ACAN: variants seen among roughly 807,000 people sequenced by gnomAD.
ACAN encodes aggrecan core protein.
Under a neutral mutation model 169.1 loss-of-function variants are expected in ACAN, and 47 were observed. That is an observed-to-expected ratio of 0.28 (90% CI 0.22 to 0.35). The LOEUF is 0.35. ACAN is among the 10% of genes least tolerant of loss of function. The pLI is 1.00. For missense variants in ACAN, 2,716 were observed against 2,759.9 expected, an observed-to-expected ratio of 0.98 and a Z score of 0.36; for synonymous variants, 1,115 against 1,112.2, an observed-to-expected ratio of 1.00 and a Z score of -0.05.
intron 13 of ACAN, among the ~76,000 whole-genome samples, chr15:88,865,494 C>T (rs887544835): frequency 2.6e-5 from 4 of 152,196 alleles, no homozygotes; most frequent in Admixed American, 6.5e-5. Flanking sequence ...TGTTTTCTCA[C>T]CTGTAAATGG....
Position 88,872,997 on chromosome 15 carries a change from C to G in ACAN, c.7419C>G (p.His2473Gln). The G allele has an allele frequency of 1.2e-6, 2 of 1,613,526 alleles. No individual in the cohort carries two copies. The highest frequency in any genetic ancestry group is 1.7e-6 in the Non-Finnish European group (2 of 1,179,742). Reference sequence around the variant, plus strand: ...GGAATGATGTTCCCTGCAATTACCACCTCCCCTTCACGTGTAAAAAGGGCA... The same window carrying G: ...GGAATGATGTTCCCTGCAATTACCAGCTCCCCTTCACGTGTAAAAAGGGCA... ...GEWNDVPCNY[H>Q]LPFTCKKGTV... Residue 2473 changes from histidine (H) to glutamine (Q), a missense_variant, in exon 17 of 19, where the codon CAC (histidine) becomes CAG (glutamine). By Grantham distance (24) the His-to-Gln change is conservative (BLOSUM62 0). Around this residue, in one of 3 missense-constraint regions of ACAN, gnomAD observed 1,389 missense variants for 1,363.7 expected, o/e 1.02. Transcript: ENST00000560601. The surrounding 1 kb of genome is among the most constrained non-coding windows in gnomAD (Gnocchi z 5.4).
Position 88,855,068 on chromosome 15 carries a change from A to G in ACAN, c.2483A>G (p.Glu828Gly), listed in dbSNP as rs201767607. Residue 828 changes from glutamate to glycine, a missense_variant, in exon 12 of 19, where the codon GAG (glutamate) becomes GGG (glycine). Coordinates refer to ENST00000560601, the MANE Select transcript of ACAN (RefSeq NM_001369268.1). Reference sequence around the variant, plus strand: ...TCAGAGGAGCCATTCCCCTCCAAGGAGCCATCCCCCTCAGAGGAACCATCA... The same window carrying G: ...TCAGAGGAGCCATTCCCCTCCAAGGGGCCATCCCCCTCAGAGGAACCATCA... ...FPSEEPFPSK[E>G]PSPSEEPSAS... 240 of 1,583,136 alleles carry G rather than the reference A, an allele frequency of 1.5e-4. No homozygotes were observed. Among genetic ancestry groups the G allele is most frequent in the Non-Finnish European group, 1.8e-4 (206 of 1,166,896 alleles).
chr15:88,862,573 G>C (rs1302741305), intron 13 of ACAN, among the ~76,000 whole-genome samples: 1 of 152,190 alleles, frequency 6.6e-6, no homozygotes. Flanking sequence ...TGTACCTTGG[G>C]GTCCCAGGTC....
chr15:88,845,550 G>T lies in ACAN; in HGVS notation c.1097G>T (p.Gly366Val), dbSNP rs755579927. The change falls in exon 7 of 19, where the codon GGT (glycine) becomes GTT (valine). Residue 366 changes from glycine to valine, a missense_variant. Around this residue, in one of 3 missense-constraint regions of ACAN, gnomAD observed 1,283 missense variants for 1,281.5 expected, o/e 1.00. Transcript: ENST00000560601. ...CCAGAAAACTTCTTTGGAGTGGGGGGTGAGGAGGACATCACCGTCCAGACA... is the reference window on the plus strand; with the variant it reads ...CCAGAAAACTTCTTTGGAGTGGGGGTTGAGGAGGACATCACCGTCCAGACA... ...DIPENFFGVG[G>V]EEDITVQTVT... The T allele has an allele frequency of 3.1e-6, 5 of 1,613,488 alleles. No individual in the cohort carries two copies. The highest frequency in any genetic ancestry group is 3.4e-6 in the Non-Finnish European group (4 of 1,179,548).
rs780416247 is a variant in ACAN, at chr15:88,873,978, C to T, written c.7584C>T (p.Cys2528=). The part of the protein sequence containing the change: ...FVQRHMPTIR[C]QPSGHWEEPQ... ...AGCGCCACATGCCCACCATCCGGTG[C>T]CAGCCCAGCGGGCACTGGGAGGAGC... The change falls in exon 18 of 19, where the codon TGC becomes TGT. Residue 2528 remains cysteine (C), a synonymous_variant. Coordinates refer to ENST00000560601, the MANE Select transcript of ACAN (RefSeq NM_001369268.1). The surrounding 1 kb of genome is among the most constrained non-coding windows in gnomAD (Gnocchi z 7.5). The T allele has an allele frequency of 5.0e-6, 8 of 1,612,918 alleles. No individual in the cohort carries two copies. Among genetic ancestry groups the T allele is most frequent in the Non-Finnish European group, 6.8e-6 (8 of 1,179,848 alleles).
rs374560662 is a variant in ACAN, at chr15:88,857,056, C to T, written c.4471C>T (p.Pro1491Ser). 5.6e-6 allele frequency: 9 copies of T among 1,613,766 alleles called. No individual in the cohort carries two copies. The highest frequency in any genetic ancestry group is 1.3e-5 in the African/African-American group (1 of 74,874). Residue 1491 changes from proline (P) to serine (S), a missense_variant, in exon 12 of 19, where the codon CCT becomes TCT. Pro to Ser is a moderately conservative substitution (Grantham distance 74). Around this residue, in one of 3 missense-constraint regions of ACAN, gnomAD observed 1,389 missense variants for 1,363.7 expected, o/e 1.02. Coordinates refer to ENST00000560601, the MANE Select transcript of ACAN (RefSeq NM_001369268.1). ...VSGVEDISGL[P>S]SGEVVETSAS... ...TGGAGTAGAGGACATCAGTGGGCTTCCTTCTGGAGAGGTTGTAGAGACTTC... is the reference window on the plus strand; with the variant it reads ...TGGAGTAGAGGACATCAGTGGGCTTTCTTCTGGAGAGGTTGTAGAGACTTC...
rs974697170 is a variant in ACAN, at chr15:88,861,870, T to C, written c.6946+1431T>C. Among the ~76,000 whole-genome samples, 2 of 152,322 alleles carry C rather than the reference T, an allele frequency of 1.3e-5. No individual in the cohort carries two copies. Among genetic ancestry groups the C allele is most frequent in the Non-Finnish European group, 2.9e-5 (2 of 68,016 alleles). ...AGTAAGTGTCAGTGGGCCGTAACTA[T>C]TCTGCTGTAAGGACAGCCTCTCTGT... On this transcript the variant is annotated intron_variant, in intron 13 of 18. Coordinates refer to ENST00000560601, the MANE Select transcript of ACAN (RefSeq NM_001369268.1). The surrounding 1 kb of genome is among the most constrained non-coding windows in gnomAD (Gnocchi z 6.3).
chr15:88,875,323 A>G lies in ACAN; in HGVS notation c.*842A>G, dbSNP rs1897487888. ...ATTTTTGAAAACTGAAGATTATAAT[A>G]TTATAATAATAATAAAGACATTGGA... On this transcript the variant is annotated 3_prime_UTR_variant, in exon 19 of 19. Transcript: ENST00000560601. This position sits in a 1 kb window ranked among gnomAD's most constrained non-coding sequence, Gnocchi z 4.8. 6.6e-6 allele frequency: 1 copy of G among 152,064 alleles called. No individual in the cohort carries two copies. Among genetic ancestry groups the G allele is most frequent in the Non-Finnish European group, 1.5e-5 (1 of 68,012 alleles). 9.4% of individuals were successfully genotyped at this position (152,064 alleles called of 1,614,324 possible).
intron 1 of ACAN, among the ~76,000 whole-genome samples, chr15:88,831,383 G>GT (rs1202667654): frequency 7.7e-4 from 118 of 152,360 alleles, no homozygotes; most frequent in African/African-American, 2.7e-3. Context: ...TGAATGTGAA[G>GT]GGGTCTACCT....
At chr15:88,816,344 G>A (rs979803179) in intron 1 of ACAN, among the ~76,000 whole-genome samples, 7 of 152,170 alleles carry the variant, frequency 4.6e-5, no homozygotes, top group African/African-American at 1.7e-4. Context: ...CTTCATCAAA[G>A]GGATTTAAGG....
At chr15:88,860,286 CTG>C (rs1188890598) in intron 12 of ACAN, 38 bp from the exon 13 acceptor site, 7 of 1,458,506 alleles carry the variant, frequency 4.8e-6, no homozygotes, top group Non-Finnish European at 5.7e-6. Context: ...AGCCAGGTGA[CTG>C]TGTTCTTGAT....
chr15:88,848,063 G>T, intron 9 of ACAN, 25 bp downstream of exon 9: 1 of 1,610,068 alleles, frequency 6.2e-7, no homozygotes, highest in South Asian at 1.1e-5. Context: ...CTCACATTTC[G>T]GGCCCTAGAT....
intron 1 of ACAN, among the ~76,000 whole-genome samples, chr15:88,828,117 G>A (rs781615006): frequency 2.3e-4 from 35 of 152,178 alleles, no homozygotes; most frequent in East Asian, 3.8e-4. Flanking sequence ...ACAGGAGAGC[G>A]TTTCAGGCTG....
In ACAN at chr15:88,872,963, A is replaced by G; in HGVS notation, c.7385A>G (p.Lys2462Arg). 1 of 1,613,926 alleles carries G rather than the reference A, an allele frequency of 6.2e-7. No individual in the cohort carries two copies. Among genetic ancestry groups the G allele is most frequent in the Non-Finnish European group, 8.5e-7 (1 of 1,179,916 alleles). The change falls in exon 17 of 19, where the codon AAG becomes AGG. Residue 2462 changes from lysine to arginine, a missense_variant. Lys to Arg is a conservative substitution (Grantham distance 26, BLOSUM62 2). Transcript: ENST00000560601. This position sits in a 1 kb window ranked among gnomAD's most constrained non-coding sequence, Gnocchi z 5.4. ...EDCVVMIWHE[K>R]GEWNDVPCNY... is the part of the protein sequence containing the mutation. ...TGTGTGGTGATGATCTGGCACGAGA[A>G]GGGCGAGTGGAATGATGTTCCCTGC...
intron 11 of ACAN, among the ~76,000 whole-genome samples, chr15:88,854,030 CA>C (rs1485372262): frequency 1.3e-5 from 2 of 152,304 alleles, no homozygotes; most frequent in East Asian, 3.9e-4. Context: ...GGCTGTTTTT[CA>C]AATGCCAAAG....
intron 5 of ACAN, 88 bp downstream of exon 5, chr15:88,841,955 C>T: frequency 6.5e-7 from 1 of 1,548,102 alleles, no homozygotes; most frequent in Non-Finnish European, 8.8e-7. Context: ...CCTGAGATCA[C>T]ACAGGCTGCC....
At chr15:88,827,506 C>T (rs1452896198) in intron 1 of ACAN, among the ~76,000 whole-genome samples, 1 of 151,896 alleles carries the variant, frequency 6.6e-6, no homozygotes, top group Non-Finnish European at 1.5e-5. Flanking sequence ...ACCTCAGTGC[C>T]CCATTCACTT....
At position 88,838,483 on chromosome 15, in the gene ACAN, C is replaced by T. The variant is rs574911113; in HGVS notation, c.71-180C>T. ...TTGAGGAACACTGCTCTGGAAAGGG[C>T]GTGGCAAGCCTTTCTGGGAATTCCC... On this transcript the variant is annotated intron_variant, in intron 2 of 18. Transcript: ENST00000560601. The surrounding 1 kb of genome is among the most constrained non-coding windows in gnomAD (Gnocchi z 5.1). Among the ~76,000 whole-genome samples, 19 of 152,254 alleles carry T rather than the reference C, an allele frequency of 1.2e-4. No individual in the cohort carries two copies. Among genetic ancestry groups the T allele is most frequent in the Non-Finnish European group, 2.2e-4 (15 of 68,018 alleles).
In ACAN at chr15:88,840,192, C is replaced by A. The variant is rs1237030872; in HGVS notation, c.629+6C>A. On this transcript the variant is annotated splice_donor_region_variant and intron_variant, in intron 4 of 18. Coordinates refer to ENST00000560601, the MANE Select transcript of ACAN (RefSeq NM_001369268.1). Reference sequence around the variant, plus strand: ...CTGGCTGACCAGACTGTCAGGTGAGCCCTAGCCCATCAGCTAGTGGGGGCC... The same window carrying A: ...CTGGCTGACCAGACTGTCAGGTGAGACCTAGCCCATCAGCTAGTGGGGGCC... 1.9e-6 allele frequency: 3 copies of A among 1,585,906 alleles called. No individual in the cohort carries two copies. The highest frequency in any genetic ancestry group is 1.3e-5 in the African/African-American group (1 of 74,714).
Sources: gnomAD v4.1 joint callset for allele counts (sites outside exome capture counted in the v4.1 genomes callset) on GRCh38, gnomAD v4.1.1 for gene constraint, gnomAD v4.1.1 regional missense constraint, Gnocchi (gnomAD v3.1) non-coding constraint, MANE v1.5 for transcripts, NCBI Gene and HGNC (gene_info 2026-07-23, HGNC 2026-07-21) for gene names.